SRBD1: variants seen among roughly 807,000 people sequenced by gnomAD.
SRBD1 encodes the protein S1 RNA-binding domain-containing protein 1.
A neutral mutation model predicts 115.3 loss-of-function variants in SRBD1; 88 were observed. The observed-to-expected ratio is 0.76, with a 90% CI of 0.64 to 0.91. The LOEUF (loss-of-function observed/expected upper bound fraction) is 0.91, where lower values mean the gene tolerates loss of function less well. SRBD1 is among the 40% of genes least tolerant of loss of function. The pLI, the probability that SRBD1 is intolerant of heterozygous loss-of-function variation, is 0.00. For synonymous variants in SRBD1, 509 were observed against 407.7 expected (o/e 1.25, Z -2.99); for missense variants, 1,385 against 1,177.4 (o/e 1.18, Z -2.58).
intron 4 of SRBD1, among the ~76,000 whole-genome samples, chr2:45,597,118 T>C (rs71422162): frequency 0.11 from 16,498 of 152,066 alleles, 1,047 homozygotes; most frequent in East Asian, 0.21. Context: ...TCAGACTTTC[T>C]TCTTAAAATT....
At chr2:45,599,365 C>T in intron 4 of SRBD1, 84 bp downstream of exon 4, 1 of 1,497,242 alleles carries the variant, frequency 6.7e-7, no homozygotes, top group Non-Finnish European at 8.9e-7. Flanking sequence ...ACCCCCAGCC[C>T]TTCCCTTAGA....
intron 16 of SRBD1, among the ~76,000 whole-genome samples, chr2:45,424,035 T>G (rs1668082181): frequency 6.6e-6 from 1 of 152,094 alleles, no homozygotes; most frequent in South Asian, 2.1e-4. Context: ...AGCGTATAGT[T>G]CCAAATAACA....
At chr2:45,572,904 C>T (rs1435924598) in intron 9 of SRBD1, among the ~76,000 whole-genome samples, 3 of 152,020 alleles carry the variant, frequency 2.0e-5, no homozygotes, top group African/African-American at 7.2e-5. Flanking sequence ...CAGAATTGAG[C>T]TCAAATATAA....
chr2:45,475,342 T>C (rs902801632), intron 16 of SRBD1, among the ~76,000 whole-genome samples: 6 of 152,188 alleles, frequency 3.9e-5, no homozygotes, highest in Admixed American at 2.0e-4. Flanking sequence ...AGCTGTTCTA[T>C]TGCTTCTCTT....
Position 45,502,632 on chromosome 2 carries a change from G to A in SRBD1, c.1875-14301C>T, listed in dbSNP as rs1262582992. 2.6e-5 allele frequency among the ~76,000 whole-genome samples: 4 copies of A among 151,188 alleles called. No homozygotes were observed. The East Asian group carries it at 5.8e-4, about 22-fold the overall frequency. ...CACTCATAGGTGGGAATTGAACAAT[G>A]AGAACACTTGGACACGGGAAGGAGA... On this transcript the variant is annotated intron_variant, in intron 14 of 20. Coordinates refer to ENST00000263736, the MANE Select transcript of SRBD1 (RefSeq NM_018079.5).
chr2:45,579,927 A>C lies in SRBD1; in HGVS notation c.1020T>G (p.Leu340=). 1 of 1,609,860 alleles carries C rather than the reference A, an allele frequency of 6.2e-7. No individual in the cohort carries two copies. The part of the protein sequence containing the change: ...LGLEGAARAL[L]EKPGELSLLS... ...GCAGACTGAGCTCCCCTGGTTTCTCAAGCAGTGCCCTGGCTGCTCCTTCTA... is the reference window on the plus strand; with the variant it reads ...GCAGACTGAGCTCCCCTGGTTTCTCCAGCAGTGCCCTGGCTGCTCCTTCTA... Residue 340 remains leucine, a synonymous_variant, in exon 7 of 21, where the codon CTT becomes CTG. Transcript: ENST00000263736.
At chr2:45,410,914 C>T (rs1233345137) in intron 19 of SRBD1, among the ~76,000 whole-genome samples, 1 of 152,120 alleles carries the variant, frequency 6.6e-6, no homozygotes, top group Non-Finnish European at 1.5e-5. Flanking sequence ...TATACCTTTC[C>T]CTATACATCT....
chr2:45,417,242 A>T (rs1056966943), intron 18 of SRBD1, among the ~76,000 whole-genome samples: 1 of 152,172 alleles, frequency 6.6e-6, no homozygotes, highest in African/African-American at 2.4e-5. Context: ...ATTTAAGTCT[A>T]TGATAAATCT....
intron 2 of SRBD1, among the ~76,000 whole-genome samples, chr2:45,604,745 GC>G (rs1292603707): frequency 1.3e-5 from 2 of 151,934 alleles, no homozygotes; most frequent in Admixed American, 1.3e-4. Flanking sequence ...TATCCAAAAT[GC>G]CCCCCGACTG....
chr2:45,426,760 C>T (rs933355079), intron 16 of SRBD1, among the ~76,000 whole-genome samples: 1 of 152,042 alleles, frequency 6.6e-6, no homozygotes, highest in African/African-American at 2.4e-5. Context: ...AGCAGAGGGG[C>T]CTATTAGAAG....
At chr2:45,439,409 ATG>A (rs1668594947) in intron 16 of SRBD1, among the ~76,000 whole-genome samples, 1 of 147,484 alleles carries the variant, frequency 6.8e-6, no homozygotes, top group African/African-American at 2.5e-5. Context: ...ATATATATAT[ATG>A]CATATATATA....
rs1372743944 is a variant in SRBD1 at position 45,525,554 on chromosome 2, T to C, written c.1874+21178A>G. 2.6e-5 allele frequency among the ~76,000 whole-genome samples: 4 copies of C among 152,112 alleles called. No individual in the cohort carries two copies. The East Asian group carries it at 7.7e-4, about 29-fold the overall frequency. On this transcript the variant is annotated intron_variant, in intron 14 of 20. Coordinates refer to ENST00000263736, the MANE Select transcript of SRBD1 (RefSeq NM_018079.5). ...GACTATAGTTAATAACAATATATTGTATTCTTAAAAAAATGCTGAGAGTGG... is the reference window on the plus strand; with the variant it reads ...GACTATAGTTAATAACAATATATTGCATTCTTAAAAAAATGCTGAGAGTGG...
At chr2:45,553,836 T>C (rs750515802) in intron 10 of SRBD1, 106 bp from the exon 11 acceptor site, 7 of 550,594 alleles carry the variant, frequency 1.3e-5, no homozygotes, top group Non-Finnish European at 2.2e-5. Flanking sequence ...GGAAAACCTT[T>C]ATTGAAGCCA....
At chr2:45,551,634 G>C (rs1434952027) in intron 11 of SRBD1, among the ~76,000 whole-genome samples, 1 of 152,158 alleles carries the variant, frequency 6.6e-6, no homozygotes, top group East Asian at 1.9e-4. Flanking sequence ...AGTAGGCACA[G>C]TGGGCAGGGA....
rs1553384123 is a variant in SRBD1 at position 45,414,718 on chromosome 2, A to ATACACACACACAGTGTGTATATAGTATG, written c.2334-1453_2334-1426dup. ...CACATAGTGTGTATATAGTATGTAT[A>ATACACACACACAGTGTGTATATAGTATG]TACACACACACAGTGTGTATATAGT... On this transcript the variant is annotated intron_variant, in intron 18 of 20. Transcript: ENST00000263736. Among the ~76,000 whole-genome samples, 580 of 105,808 alleles carry ATACACACACACAGTGTGTATATAGTATG rather than the reference A, an allele frequency of 5.5e-3. 54 individuals carry two copies. The highest frequency in any genetic ancestry group is 7.8e-3 in the East Asian group (36 of 4,632). 69.4% of individuals were successfully genotyped at this position (105,808 alleles called of 152,430 possible).
chr2:45,524,846 A>G (rs896065657), intron 14 of SRBD1, among the ~76,000 whole-genome samples: 2 of 152,094 alleles, frequency 1.3e-5, no homozygotes, highest in African/African-American at 4.8e-5. Flanking sequence ...AAACAATCTG[A>G]GAAAAAACAA....
intron 14 of SRBD1, among the ~76,000 whole-genome samples, chr2:45,542,133 A>G (rs1470817003): frequency 6.6e-6 from 1 of 152,066 alleles, no homozygotes; most frequent in African/African-American, 2.4e-5. Context: ...CTTAGCCATC[A>G]CCCCACCCCA....
chr2:45,560,037 T>C (rs1672609646), intron 10 of SRBD1, among the ~76,000 whole-genome samples: 1 of 151,898 alleles, frequency 6.6e-6, no homozygotes, highest in African/African-American at 2.4e-5. Context: ...GCCAAGATCA[T>C]GCCACTGCAC....
chr2:45,465,000 TACAC>T (rs58288876), intron 16 of SRBD1, among the ~76,000 whole-genome samples: 8,572 of 120,186 alleles, frequency 0.071, 292 homozygotes, highest in South Asian at 0.11. Context: ...GTTGAGATTG[TACAC>T]ACACACACAC....
Sources: gnomAD v4.1 joint callset for allele counts (sites outside exome capture counted in the v4.1 genomes callset) on GRCh38, gnomAD v4.1.1 for gene constraint, MANE v1.5 for transcripts, NCBI Gene and HGNC (gene_info 2026-07-23, HGNC 2026-07-21) for gene names.